Variants in RBM27 observed in about 807,000 individuals in gnomAD.
RBM27 encodes the protein RNA-binding protein 27.
In RBM27, 22 loss-of-function variants were observed where a neutral mutation model predicts 135.3. That is an observed-to-expected ratio of 0.16 (90% confidence interval 0.12 to 0.23). The LOEUF (loss-of-function observed/expected upper bound fraction) is 0.23, where lower values mean the gene tolerates loss of function less well. Ranked by LOEUF, RBM27 falls within the 10% of genes least tolerant of loss-of-function variation. The pLI, the probability that RBM27 is intolerant of heterozygous loss-of-function variation, is 1.00. For synonymous variants in RBM27, 481 were observed against 442.4 expected, an observed-to-expected ratio of 1.09 and a Z score of -1.10; for missense variants, 1,009 against 1,281.0, an observed-to-expected ratio of 0.79 and a Z score of 3.24.
At chr5:146,225,653 C>T (rs1003997463) in intron 3 of RBM27, among the ~76,000 whole-genome samples, 17 of 151,686 alleles carry the variant, frequency 1.1e-4, no homozygotes, top group African/African-American at 4.1e-4. Context: ...GCAACTTCCA[C>T]CTCCTGGGTT....
chr5:146,231,611 TTTTA>T (rs1181111956), intron 6 of RBM27, among the ~76,000 whole-genome samples: 3 of 152,032 alleles, frequency 2.0e-5, no homozygotes, highest in Admixed American at 6.6e-5. Flanking sequence ...TTTAAAAGAA[TTTTA>T]TTTATTTATT....
chr5:146,256,511 C>T (rs1758110960), intron 10 of RBM27, among the ~76,000 whole-genome samples: 1 of 151,132 alleles, frequency 6.6e-6, no homozygotes, highest in Non-Finnish European at 1.5e-5. Context: ...CACCACAACC[C>T]TGCTAATTTT....
rs987602831 is a variant in RBM27 at position 146,263,520 on chromosome 5, A to C, written c.2220A>C (p.Ala740=). ...TGAGCAAACCACAGACATCAGGTGC[A>C]TATGTTCTTAACAAAGTTCCTGTTA... is the stretch of plus-strand genomic sequence containing the variant. ...KMMSKPQTSG[A]YVLNKVPVKH... is the part of the protein sequence containing the mutation. Residue 740 remains alanine (A), a synonymous_variant, in exon 14 of 21, where the codon GCA becomes GCC. Coordinates refer to ENST00000265271, the MANE Select transcript of RBM27 (RefSeq NM_018989.2). 6.2e-7 allele frequency: 1 copy of C among 1,614,058 alleles called. No individual in the cohort carries two copies. Among genetic ancestry groups the C allele is most frequent in the African/African-American group, 1.3e-5 (1 of 74,936 alleles).
intron 19 of RBM27, among the ~76,000 whole-genome samples, chr5:146,282,098 G>A (rs1363862553): frequency 6.7e-6 from 1 of 149,460 alleles, no homozygotes; most frequent in Non-Finnish European, 1.5e-5. Context: ...CCACCTCATG[G>A]GTTCAAGCGA....
At chr5:146,278,252 C>A (rs1396158944) in intron 19 of RBM27, among the ~76,000 whole-genome samples, 1 of 152,136 alleles carries the variant, frequency 6.6e-6, no homozygotes, top group Non-Finnish European at 1.5e-5. Flanking sequence ...TCTCTTTGAG[C>A]AGCTTCTACC....
intron 14 of RBM27, among the ~76,000 whole-genome samples, chr5:146,264,840 G>A (rs1197476786): frequency 6.6e-6 from 1 of 152,160 alleles, no homozygotes; most frequent in Non-Finnish European, 1.5e-5. Flanking sequence ...AAGTGGAACA[G>A]GTCAGTGGGG....
chr5:146,247,346 T>TC (rs1332314999), intron 8 of RBM27, among the ~76,000 whole-genome samples: 1 of 151,964 alleles, frequency 6.6e-6, no homozygotes, highest in East Asian at 1.9e-4. Flanking sequence ...ATTATCACAG[T>TC]CCCCCCCAAA....
At chr5:146,220,000 G>A (rs1756376704) in intron 2 of RBM27, among the ~76,000 whole-genome samples, 2 of 152,018 alleles carry the variant, frequency 1.3e-5, no homozygotes, top group South Asian at 4.1e-4. Context: ...CCAAAGTGCT[G>A]GGATTACAAG....
rs576355082 is a variant in RBM27 at position 146,251,521 on chromosome 5, A to G, written c.1280-190A>G. ...ATTCTTATTCTTTTCTTTATACCTC[A>G]ATGGATCCTAACCAGTTGCACGTCT... On this transcript the variant is annotated intron_variant, in intron 8 of 20. Coordinates refer to ENST00000265271, the MANE Select transcript of RBM27 (RefSeq NM_018989.2). Among the ~76,000 whole-genome samples the G allele has an allele frequency of 3.9e-5, 6 of 152,280 alleles. No individual in the cohort carries two copies. The East Asian group carries it at 1.2e-3, about 29-fold the overall frequency.
chr5:146,254,863 GTTGT>G, intron 9 of RBM27, 76 bp from the exon 10 acceptor site: 2 of 1,249,114 alleles, frequency 1.6e-6, no homozygotes, highest in South Asian at 1.6e-5. Flanking sequence ...TTTTTAAGCA[GTTGT>G]TTATTTTATA....
chr5:146,255,861 C>CT (rs554082895), intron 10 of RBM27, among the ~76,000 whole-genome samples: 131 of 143,444 alleles, frequency 9.1e-4, no homozygotes, highest in South Asian at 2.9e-3. Context: ...TCTTCTTCTT[C>CT]TTTTTTTTTT....
chr5:146,254,851 G>GT, intron 9 of RBM27, 92 bp from the exon 10 acceptor site: 1 of 1,167,686 alleles, frequency 8.6e-7, no homozygotes, highest in Non-Finnish European at 1.2e-6. Flanking sequence ...GAGAATATAT[G>GT]TTTTTTAAGC....
intron 1 of RBM27, among the ~76,000 whole-genome samples, chr5:146,212,530 T>G (rs1304265662): frequency 1.3e-5 from 2 of 151,874 alleles, no homozygotes; most frequent in African/African-American, 4.8e-5. Context: ...TTTATTTTAT[T>G]TTTTTAGAGA....
chr5:146,204,011 G>T (rs1479255371), intron 1 of RBM27, among the ~76,000 whole-genome samples, 187 bp downstream of exon 1: 1 of 151,966 alleles, frequency 6.6e-6, no homozygotes, highest in Non-Finnish European at 1.5e-5. Flanking sequence ...CGCTGGGGAC[G>T]GAGAGGCGCC....
intron 6 of RBM27, 32 bp downstream of exon 6, chr5:146,230,949 C>A (rs759182928): frequency 1.2e-6 from 2 of 1,608,018 alleles, no homozygotes; most frequent in Non-Finnish European, 1.7e-6. Context: ...CATATTGTGC[C>A]CAAAAGTACT....
At chr5:146,273,231 G>A (rs1758945749) in intron 19 of RBM27, among the ~76,000 whole-genome samples, 1 of 152,162 alleles carries the variant, frequency 6.6e-6, no homozygotes, top group Non-Finnish European at 1.5e-5. Context: ...ACAGCTACAT[G>A]TTCTATCCTG....
rs144960272 is a variant in RBM27 at position 146,279,222 on chromosome 5, G to A, written c.2989-5400G>A. 7.3e-4 allele frequency among the ~76,000 whole-genome samples: 110 copies of A among 151,586 alleles called. 1 individual carries two copies. The highest frequency in any genetic ancestry group is 2.6e-3 in the African/African-American group (106 of 41,350). Reference sequence around the variant, plus strand: ...CCCAGCACTTTGGGAGCCCCAGGTGGGTGGATCACGAGGTCAGGAGATTGA... The same window carrying A: ...CCCAGCACTTTGGGAGCCCCAGGTGAGTGGATCACGAGGTCAGGAGATTGA... On this transcript the variant is annotated intron_variant, in intron 19 of 20. Coordinates refer to ENST00000265271, the MANE Select transcript of RBM27 (RefSeq NM_018989.2).
chr5:146,231,577 CAT>C (rs1491580245), intron 6 of RBM27, among the ~76,000 whole-genome samples: 1 of 151,920 alleles, frequency 6.6e-6, no homozygotes, highest in Non-Finnish European at 1.5e-5. Flanking sequence ...TGTAAAATTT[CAT>C]AGACACTAGT....
chr5:146,263,385 T>C lies in RBM27; in HGVS notation c.2191-106T>C. On this transcript the variant is annotated intron_variant, in intron 13 of 20. Coordinates refer to ENST00000265271, the MANE Select transcript of RBM27 (RefSeq NM_018989.2). ...TACGGATAATTGAAGCACCTTCCCG[T>C]TCCCATTTTCTTATCTTCTTCCCTA... 7 of 1,126,272 alleles carry C rather than the reference T, an allele frequency of 6.2e-6. No homozygotes were observed. The South Asian group carries it at 1.1e-4, about 18-fold the overall frequency. The allele number at this position is 1,126,272 out of a possible 1,614,324, so 69.8% of individuals were successfully genotyped here.
Sources: allele counts gnomAD v4.1 joint callset (sites outside exome capture counted in the v4.1 genomes callset), GRCh38; gene constraint gnomAD v4.1.1; transcripts MANE v1.5; gene names NCBI Gene and HGNC (gene_info 2026-07-23, HGNC 2026-07-21).